VPS13C: variants seen among roughly 807,000 people sequenced by gnomAD.
The protein encoded by VPS13C is vacuolar protein sorting 13 homolog C.
A neutral mutation model predicts 456.8 loss-of-function variants in VPS13C; 358 were observed. The ratio of observed to expected loss-of-function variants is 0.78; its 90% CI spans 0.72 to 0.86. The LOEUF (loss-of-function observed/expected upper bound fraction) is 0.86, where lower values mean the gene tolerates loss of function less well. VPS13C is among the 40% of genes least tolerant of loss of function. VPS13C has a pLI of 0.00. For synonymous variants in VPS13C, 1,578 were observed against 1,486.7 expected, an observed-to-expected ratio of 1.06 and a Z score of -1.41; for missense variants, 4,818 against 4,385.4, an observed-to-expected ratio of 1.10 and a Z score of -2.79.
intron 37 of VPS13C, among the ~76,000 whole-genome samples, chr15:61,957,675 T>C (rs1283589950): frequency 6.6e-6 from 1 of 152,150 alleles, no homozygotes; most frequent in East Asian, 1.9e-4. Context: ...GCTGACCTAA[T>C]TGTCAATTAG....
chr15:62,034,358 G>C (rs1172348726), intron 4 of VPS13C, among the ~76,000 whole-genome samples: 1 of 151,580 alleles, frequency 6.6e-6, no homozygotes, highest in Non-Finnish European at 1.5e-5. Flanking sequence ...TTGTACAATG[G>C]TTAAGAAATT....
chr15:61,886,182 T>TA (rs1335603067), intron 67 of VPS13C, among the ~76,000 whole-genome samples: 1 of 152,196 alleles, frequency 6.6e-6, no homozygotes, highest in Non-Finnish European at 1.5e-5. Flanking sequence ...CTCAGAAACT[T>TA]ACTTTGCTTA....
In VPS13C at chr15:61,868,734, G is replaced by A. The variant is rs766205389; in HGVS notation, c.10788C>T (p.Pro3596=). 2 of 1,614,120 alleles carry A rather than the reference G, an allele frequency of 1.2e-6. No homozygotes were observed. The highest frequency in any genetic ancestry group is 1.7e-5 in the Admixed American group (1 of 60,002). Reference sequence around the variant, plus strand: ...TGCCATCTTCATGGATCAGGCGAGGGGGACGGAGGCTAGATACTTCCTCAG... The same window carrying A: ...TGCCATCTTCATGGATCAGGCGAGGAGGACGGAGGCTAGATACTTCCTCAG... The part of the protein sequence containing the change: ...ESTEEVSSLR[P]PRLIHEDGII... The change falls in exon 81 of 85, where the codon CCC becomes CCT. Residue 3596 remains proline, a synonymous_variant. Coordinates refer to ENST00000644861, the MANE Select transcript of VPS13C (RefSeq NM_020821.3).
intron 2 of VPS13C, among the ~76,000 whole-genome samples, chr15:62,043,889 C>G (rs1334460596): frequency 6.6e-6 from 1 of 152,098 alleles, no homozygotes; most frequent in East Asian, 1.9e-4. Context: ...TATTTAAAAT[C>G]AAGCCCTCAT....
At chr15:62,003,762 C>G (rs1230105773) in intron 15 of VPS13C, among the ~76,000 whole-genome samples, 1 of 151,818 alleles carries the variant, frequency 6.6e-6, no homozygotes, top group Non-Finnish European at 1.5e-5. Context: ...GCCTTTTCTG[C>G]ATCTATTGAG....
chr15:61,984,188 G>T (rs1203650162), intron 19 of VPS13C, among the ~76,000 whole-genome samples, 176 bp from the exon 20 acceptor site: 1 of 152,176 alleles, frequency 6.6e-6, no homozygotes, highest in Admixed American at 6.5e-5. Context: ...ACACAATCTG[G>T]TTTGCTGCTC....
intron 5 of VPS13C, 55 bp from the exon 6 acceptor site, chr15:62,028,475 T>C (rs2047711644): frequency 1.3e-6 from 2 of 1,507,198 alleles, no homozygotes; most frequent in Non-Finnish European, 1.8e-6. Flanking sequence ...AAGACACCTT[T>C]AATTTCACAT....
At chr15:61,864,584 A>G (rs1242959287) in intron 81 of VPS13C, 1 of 970,010 alleles carries the variant, frequency 1.0e-6, no homozygotes, top group Non-Finnish European at 1.2e-6. Flanking sequence ...AAGCAGAGAA[A>G]TCACATTTGA....
chr15:62,002,877 A>G (rs1364013776), intron 15 of VPS13C, among the ~76,000 whole-genome samples: 3 of 152,120 alleles, frequency 2.0e-5, no homozygotes, highest in Admixed American at 6.6e-5. Flanking sequence ...CCATTGATCT[A>G]TATCTCTATT....
intron 3 of VPS13C, among the ~76,000 whole-genome samples, chr15:62,037,438 TATATTA>T (rs1167262447): frequency 9.4e-4 from 54 of 57,708 alleles, no homozygotes; most frequent in Non-Finnish European, 1.4e-3. Context: ...AAATATAATA[TATATTA>T]AATAAATATA....
In VPS13C at chr15:61,991,822, A is replaced by G; in HGVS notation, c.1354-20T>C. The stretch of plus-strand genomic sequence containing the variant: ...AATCACCTGAAAAATAAAAATTAAA[A>G]AATTTACTTTAAGAATGTTGCCCTC... On this transcript the variant is annotated intron_variant, in intron 16 of 84. Coordinates refer to ENST00000644861, the MANE Select transcript of VPS13C (RefSeq NM_020821.3). 1.9e-6 allele frequency: 3 copies of G among 1,606,478 alleles called. No individual in the cohort carries two copies. The highest frequency in any genetic ancestry group is 2.5e-6 in the Non-Finnish European group (3 of 1,177,300).
At chr15:61,872,738 A>C (rs1368692806) in intron 78 of VPS13C, among the ~76,000 whole-genome samples, 1 of 152,086 alleles carries the variant, frequency 6.6e-6, no homozygotes, top group Non-Finnish European at 1.5e-5. Context: ...CCTTACTTAT[A>C]ATGTTTTATT....
At position 62,015,791 on chromosome 15, in the gene VPS13C, G is replaced by T. The variant is rs1163978852; in HGVS notation, c.685-1799C>A. ...GGGACTGTGGTGGGGTCGGGGGAGG[G>T]GGGAGGGGGGAGGGATAGCATTGGG... On this transcript the variant is annotated intron_variant, in intron 9 of 84. Transcript: ENST00000644861. Among the ~76,000 whole-genome samples, 4 of 115,082 alleles carry T rather than the reference G, an allele frequency of 3.5e-5. No homozygotes were observed. The East Asian group carries it at 8.3e-4, about 24-fold the overall frequency. 75.5% of individuals were successfully genotyped at this position (115,082 alleles called of 152,430 possible).
At chr15:62,026,880 G>C (rs1269842900) in intron 6 of VPS13C, among the ~76,000 whole-genome samples, 1 of 152,106 alleles carries the variant, frequency 6.6e-6, no homozygotes, top group East Asian at 1.9e-4. Context: ...TGGCAGTGAA[G>C]AATACAGTGA....
intron 15 of VPS13C, among the ~76,000 whole-genome samples, chr15:62,005,141 A>T (rs1305261198): frequency 6.6e-6 from 1 of 152,066 alleles, no homozygotes; most frequent in Non-Finnish European, 1.5e-5. Flanking sequence ...TCCCATCATT[A>T]ATGTGTGGGA....
Position 61,972,500 on chromosome 15 carries a change from G to A in VPS13C, c.2757+125C>T, listed in dbSNP as rs1034821034. 1.0e-4 allele frequency: 95 copies of A among 936,234 alleles called. No individual in the cohort carries two copies. In the African/African-American group the frequency reaches 1.4e-3, roughly 14 times the overall value. 58.0% of individuals were successfully genotyped at this position (936,234 alleles called of 1,614,324 possible). A position where few individuals can be genotyped will look rare whatever the true frequency, so the allele number is the denominator to read the frequency against. ...TGTGAGAGTGTGTATGTGCATGTGTGTTGGGCAGCAGGAAAGACAGAGTAC... is the reference window on the plus strand; with the variant it reads ...TGTGAGAGTGTGTATGTGCATGTGTATTGGGCAGCAGGAAAGACAGAGTAC... On this transcript the variant is annotated intron_variant, in intron 27 of 84. Coordinates refer to ENST00000644861, the MANE Select transcript of VPS13C (RefSeq NM_020821.3).
At chr15:62,016,116 A>C (rs1345871167) in intron 9 of VPS13C, among the ~76,000 whole-genome samples, 1 of 151,446 alleles carries the variant, frequency 6.6e-6, no homozygotes, top group African/African-American at 2.4e-5. Flanking sequence ...CCTTCCACAT[A>C]ACCATGTCCT....
intron 66 of VPS13C, among the ~76,000 whole-genome samples, chr15:61,901,053 C>A (rs1370636491): frequency 1.3e-5 from 2 of 151,856 alleles, no homozygotes; most frequent in African/African-American, 2.4e-5. Flanking sequence ...AATTGGCTAG[C>A]CATATGTAGA....
intron 65 of VPS13C, 26 bp downstream of exon 65, chr15:61,908,966 T>C: frequency 6.2e-7 from 1 of 1,607,468 alleles, no homozygotes; most frequent in Non-Finnish European, 8.5e-7. Context: ...ATAAAAGTAT[T>C]TCCCATTAAC....
Sources: gnomAD v4.1 joint callset for allele counts (sites outside exome capture counted in the v4.1 genomes callset) on GRCh38, gnomAD v4.1.1 for gene constraint, MANE v1.5 for transcripts, NCBI Gene and HGNC (gene_info 2026-07-23, HGNC 2026-07-21) for gene names.